PRICKLE4: variants seen among roughly 807,000 people sequenced by gnomAD.
PRICKLE4 encodes prickle-like protein 4.
A neutral mutation model predicts 43.5 loss-of-function variants in PRICKLE4; 40 were observed. The observed-to-expected ratio is 0.92, with a 90% CI of 0.71 to 1.20. The LOEUF is 1.20. Among genes scored for constraint, PRICKLE4 ranks in the 50% most tolerant of loss-of-function variants. The pLI, the probability that PRICKLE4 is intolerant of heterozygous loss-of-function variation, is 0.00. For synonymous variants in PRICKLE4, 208 were observed against 197.4 expected, an observed-to-expected ratio of 1.05 and a Z score of -0.45; for missense variants, 527 against 491.2, an observed-to-expected ratio of 1.07 and a Z score of -0.69.
chr6:41,785,209 A>G (rs1353977334), intron 5 of PRICKLE4, 128 bp from the exon 6 acceptor site: 1 of 1,520,092 alleles, frequency 6.6e-7, no homozygotes, highest in South Asian at 1.2e-5. Flanking sequence ...AGCTCTTGGT[A>G]TAGGTTGCAG....
chr6:41,781,943 C>T (rs571511571), intron 2 of PRICKLE4, among the ~76,000 whole-genome samples: 1 of 152,146 alleles, frequency 6.6e-6, no homozygotes, highest in Non-Finnish European at 1.5e-5. Context: ...TTATTTTTTT[C>T]TCCAGGGTTT....
At chr6:41,783,726 C>T in intron 3 of PRICKLE4, 121 bp downstream of exon 3, 1 of 1,415,458 alleles carries the variant, frequency 7.1e-7, no homozygotes, top group East Asian at 2.3e-5. Flanking sequence ...GCCTTTTTCT[C>T]TTTTCAGGAA....
At chr6:41,785,198 A>G (rs2127306767) in intron 5 of PRICKLE4, 126 bp downstream of exon 5, 5 of 1,535,964 alleles carry the variant, frequency 3.3e-6, no homozygotes, top group Non-Finnish European at 4.4e-6. Context: ...CCAAGTTTGC[A>G]AGCTCTTGGT....
Position 41,784,918 on chromosome 6 carries a change from G to A in PRICKLE4, c.241-17G>A. 1 of 1,613,190 alleles carries A rather than the reference G, an allele frequency of 6.2e-7. No homozygotes were observed. Among genetic ancestry groups the A allele is most frequent in the Non-Finnish European group, 8.5e-7 (1 of 1,179,812 alleles). On this transcript the variant is annotated splice_polypyrimidine_tract_variant and intron_variant, in intron 4 of 7. Coordinates refer to ENST00000458694, the MANE Select transcript of PRICKLE4 (RefSeq NM_013397.6). ...TGCTGGAGCTCTCCCAGTAATTGTA[G>A]AGGACTGTTTCTGCAGGAGCGCTAC...
At position 41,786,969 on chromosome 6, in the gene PRICKLE4, G is replaced by A. The variant is rs756563461; in HGVS notation, c.995G>A (p.Arg332His). The A allele has an allele frequency of 1.9e-6, 3 of 1,614,058 alleles. No homozygotes were observed. In the Admixed American group the frequency reaches 5.0e-5, roughly 27 times the overall value. ...GQEQCRLETI[R>H]DPKDTPFSTC... ...GAGCAATGCCGCCTGGAGACTATTC[G>A]TGATCCCAAGGACACCCCTTTCTCC... is the stretch of plus-strand genomic sequence containing the variant. Residue 332 changes from arginine (R) to histidine (H), a missense_variant, in exon 8 of 8, where the codon CGT becomes CAT. Coordinates refer to ENST00000458694, the MANE Select transcript of PRICKLE4 (RefSeq NM_013397.6).
Position 41,783,546 on chromosome 6 carries a change from AACTCAGACAGTG to A in PRICKLE4, c.80_91del (p.Asp27_Ser30del). On this transcript the variant is annotated inframe_deletion, in exon 3 of 8. Coordinates refer to ENST00000458694, the MANE Select transcript of PRICKLE4 (RefSeq NM_013397.6). ...GCCCCAGGATCCAGGTCCACCAGCC[AACTCAGACAGTG>A]ACTCAGGCCACCTGCCGGGGGAGGA... 1 of 1,612,566 alleles carries A rather than the reference AACTCAGACAGTG, an allele frequency of 6.2e-7. No individual in the cohort carries two copies. The highest frequency in any genetic ancestry group is 1.1e-5 in the South Asian group (1 of 90,984).
chr6:41,786,424 CG>C lies in PRICKLE4; in HGVS notation c.787+93del. 2.2e-6 allele frequency: 3 copies of C among 1,388,748 alleles called. No homozygotes were observed. The South Asian group carries it at 3.8e-5, about 17-fold the overall frequency. 86.0% of individuals were successfully genotyped at this position (1,388,748 alleles called of 1,614,324 possible). A position where few individuals can be genotyped will look rare whatever the true frequency, so the allele number is the denominator to read the frequency against. On this transcript the variant is annotated intron_variant, in intron 7 of 7. Transcript: ENST00000458694. Reference sequence around the variant, plus strand: ...TGGGACCCTCGCCCCGGTCCCACGCCGTCCCGTCCCTCCAGGAGCGCCCCCA... The same window carrying C: ...TGGGACCCTCGCCCCGGTCCCACGCCTCCCGTCCCTCCAGGAGCGCCCCCA...
intron 2 of PRICKLE4, among the ~76,000 whole-genome samples, chr6:41,782,721 T>C (rs1279817604): frequency 1.3e-5 from 2 of 152,172 alleles, no homozygotes; most frequent in Non-Finnish European, 2.9e-5. Flanking sequence ...CAAGATATTA[T>C]GGTCATATCA....
chr6:41,782,069 T>A (rs1191281799), intron 2 of PRICKLE4, among the ~76,000 whole-genome samples: 1 of 143,746 alleles, frequency 7.0e-6, no homozygotes, highest in Non-Finnish European at 1.5e-5. Context: ...AATAGTCGCT[T>A]TTTTTTTTTT....
Position 41,786,234 on chromosome 6 carries a change from T to C in PRICKLE4, c.689T>C (p.Leu230Pro), listed in dbSNP as rs1224513853. 6.2e-7 allele frequency: 1 copy of C among 1,603,324 alleles called. No individual in the cohort carries two copies. ...AGPLGGGRYA[L>P]PGGSPCCPSC... ...CCTCTGGGCGGGGGACGTTATGCCC[T>C]GCCTGGGGGAAGCCCCTGCTGCCCC... Residue 230 changes from leucine to proline, a missense_variant, in exon 7 of 8, where the codon CTG (leucine) becomes CCG (proline). Transcript: ENST00000458694.
rs1772672858 is a variant in PRICKLE4 at position 41,787,029 on chromosome 6, G to A, written c.1055G>A (p.Gly352Glu). 4 of 1,614,020 alleles carry A rather than the reference G, an allele frequency of 2.5e-6. No individual in the cohort carries two copies. The highest frequency in any genetic ancestry group is 3.4e-6 in the Non-Finnish European group (4 of 1,180,004). Residue 352 changes from glycine (G) to glutamate (E), a missense_variant, in exon 8 of 8, where the codon GGA becomes GAA. Transcript: ENST00000458694. The part of the protein sequence containing the change: ...CSSSSDSEPE[G>E]FFLGERLPQS... ...TCCTCCTCTGACTCGGAACCTGAAG[G>A]ATTTTTCTTAGGCGAGCGCCTTCCC...
intron 2 of PRICKLE4, 134 bp downstream of exon 2, chr6:41,781,654 A>C (rs1038114638): frequency 6.6e-6 from 1 of 152,644 alleles, no homozygotes; most frequent in Non-Finnish European, 1.5e-5. Flanking sequence ...CCTCAACCCC[A>C]GTACGAATCC....
chr6:41,786,687 C>G, intron 7 of PRICKLE4, 75 bp from the exon 8 acceptor site: 1 of 1,604,086 alleles, frequency 6.2e-7, no homozygotes, highest in Non-Finnish European at 8.5e-7. Context: ...GAGGCTGGGC[C>G]TCACCCCCAC....
intron 6 of PRICKLE4, 123 bp from the exon 7 acceptor site, chr6:41,786,005 T>G (rs564096172): frequency 1.2e-5 from 13 of 1,082,254 alleles, no homozygotes; most frequent in Non-Finnish European, 1.3e-6. Context: ...AGTGGCTGAG[T>G]GAATTAAATG....
In PRICKLE4 at chr6:41,785,554, G is replaced by A. The variant is rs199763091; in HGVS notation, c.582+14G>A. 307 of 1,608,964 alleles carry A rather than the reference G, an allele frequency of 1.9e-4. 1 individual carries two copies. The African/African-American group carries it at 3.2e-3, about 17-fold the overall frequency. On this transcript the variant is annotated intron_variant, in intron 6 of 7. Transcript: ENST00000458694. ...GCTTGTGACCAGGTACAGCCTGGAG[G>A]GGAGGAACTGGGGGTCTGCCCAGAG...
At position 41,786,122 on chromosome 6, in the gene PRICKLE4, T is replaced by C. The variant is rs761398586; in HGVS notation, c.583-6T>C. The C allele has an allele frequency of 3.1e-6, 5 of 1,612,356 alleles. No individual in the cohort carries two copies. The South Asian group carries it at 5.5e-5, about 18-fold the overall frequency. On this transcript the variant is annotated splice_polypyrimidine_tract_variant and splice_region_variant and intron_variant, in intron 6 of 7. Transcript: ENST00000458694. ...AAACGTTCCCCTCTCCCTCTCCCTC[T>C]CCCAGCTGATCTTCTCCTGGCGCTG...
rs745703735 is a variant in PRICKLE4 at position 41,787,125 on chromosome 6, G to A, written c.1151G>A (p.Cys384Tyr). ...GCCTCTAAGACGCACTGCACCATGTGCTAGTGGCGCAGCTCAGAGAGGGGA... is the reference window on the plus strand; with the variant it reads ...GCCTCTAAGACGCACTGCACCATGTACTAGTGGCGCAGCTCAGAGAGGGGA... ...SNASKTHCTM[C>Y] is the part of the protein sequence containing the mutation. Residue 384 changes from cysteine (C) to tyrosine (Y), a missense_variant, in exon 8 of 8, where the codon TGC (cysteine) becomes TAC (tyrosine). Coordinates refer to ENST00000458694, the MANE Select transcript of PRICKLE4 (RefSeq NM_013397.6). The A allele has an allele frequency of 2.5e-6, 4 of 1,600,728 alleles. No homozygotes were observed. The highest frequency in any genetic ancestry group is 3.4e-6 in the Non-Finnish European group (4 of 1,176,672).
chr6:41,784,717 C>T, intron 4 of PRICKLE4: 3 of 597,186 alleles, frequency 5.0e-6, no homozygotes, highest in Non-Finnish European at 8.7e-6. Flanking sequence ...CCTGTCAGGA[C>T]CTGATTGATG....
In PRICKLE4 at chr6:41,785,632, G is replaced by C; in HGVS notation, c.582+92G>C. 6 of 1,346,810 alleles carry C rather than the reference G, an allele frequency of 4.5e-6. No individual in the cohort carries two copies. The South Asian group carries it at 8.0e-5, about 18-fold the overall frequency. 83.4% of individuals were successfully genotyped at this position (1,346,810 alleles called of 1,614,324 possible). ...CTCTCCTGGGCCACAGTTTCTCCCA[G>C]TATCAGGGAGTGGGGAGAAGTAGGA... On this transcript the variant is annotated intron_variant, in intron 6 of 7. Transcript: ENST00000458694.
Sources: gnomAD v4.1 joint callset for allele counts (sites outside exome capture counted in the v4.1 genomes callset) on GRCh38, gnomAD v4.1.1 for gene constraint, MANE v1.5 for transcripts, NCBI Gene and HGNC (gene_info 2026-07-23, HGNC 2026-07-21) for gene names.